The following NEXMIF variants were observed in gnomAD, a reference collection of about 807,000 sequenced individuals.
NEXMIF encodes XLMR protein related to neurite extension.
NEXMIF carries 8 observed loss-of-function variants against 62.1 expected under a neutral mutation model. That is an observed-to-expected ratio of 0.13 (90% CI 0.08 to 0.23). The LOEUF is 0.23. NEXMIF is among the 10% of genes least tolerant of loss of function. The pLI, the probability that NEXMIF is intolerant of heterozygous loss-of-function variation, is 1.00. For missense variants in NEXMIF, 976 were observed against 1,113.3 expected, an observed-to-expected ratio of 0.88 and a Z score of 1.75; for synonymous variants, 404 against 416.6, an observed-to-expected ratio of 0.97 and a Z score of 0.37.
intron 1 of NEXMIF, among the ~76,000 whole-genome samples, chrX:74,811,903 C>T (rs766376829): frequency 8.8e-6 from 1 of 113,084 alleles, no homozygotes; most frequent in African/African-American, 3.2e-5. Context: ...GCCTTCCAGG[C>T]ATGGAGAAAA....
At chrX:74,768,639 C>A (rs1238879260) in intron 1 of NEXMIF, among the ~76,000 whole-genome samples, 2 of 111,842 alleles carry the variant, frequency 1.8e-5, no homozygotes, top group African/African-American at 6.5e-5. Flanking sequence ...ATAGGGAAAA[C>A]AGTGAGCTCC....
chrX:74,803,499 C>T (rs1485753266), intron 1 of NEXMIF, among the ~76,000 whole-genome samples: 1 of 110,788 alleles, frequency 9.0e-6, no homozygotes, highest in Non-Finnish European at 1.9e-5. Context: ...ACCCAGGAGG[C>T]GGAGCTTGCA....
Position 74,739,317 on chromosome X carries a change from T to A in NEXMIF, c.*88A>T. 1.7e-6 allele frequency: 1 copy of A among 596,591 alleles called. No individual in the cohort carries two copies. The highest frequency in any genetic ancestry group is 4.3e-5 in the Admixed American group (1 of 23,190). 49.2% of individuals were successfully genotyped at this position (596,591 alleles called of 1,213,427 possible). A position where few individuals can be genotyped will look rare whatever the true frequency, so the allele number is the denominator to read the frequency against. ...ATTAAAGTTTGCTCCAAAGACGTAT[T>A]CCCACAATTTAAAATTCTTTTCTTT... On this transcript the variant is annotated 3_prime_UTR_variant, in exon 4 of 4. Transcript: ENST00000055682.
At chrX:74,811,089 G>A (rs1207806751) in intron 1 of NEXMIF, among the ~76,000 whole-genome samples, 5 of 111,802 alleles carry the variant, frequency 4.5e-5, no homozygotes, top group South Asian at 3.8e-4. Context: ...TTTGAAAGAA[G>A]GGGCAACATA....
intron 1 of NEXMIF, among the ~76,000 whole-genome samples, chrX:74,787,253 A>G: frequency 1.9e-5 from 2 of 106,149 alleles, no homozygotes; most frequent in Non-Finnish European, 3.9e-5. Flanking sequence ...ACTGTACTCC[A>G]GTCTGGGCGA....
chrX:74,757,894 T>A (rs1310536936), intron 1 of NEXMIF, among the ~76,000 whole-genome samples: 1 of 111,813 alleles, frequency 8.9e-6, no homozygotes, highest in Non-Finnish European at 1.9e-5. Context: ...TGATGGGAAG[T>A]TTCATGTTCT....
chrX:74,765,202 T>C (rs191720913), intron 1 of NEXMIF, among the ~76,000 whole-genome samples: 1 of 111,950 alleles, frequency 8.9e-6, no homozygotes, highest in East Asian at 2.8e-4. Flanking sequence ...TTTTTAAAAG[T>C]CTGTGTTGGT....
chrX:74,830,177 T>C (rs887604068), intron 1 of NEXMIF, among the ~76,000 whole-genome samples: 2 of 111,917 alleles, frequency 1.8e-5, no homozygotes, highest in Admixed American at 1.9e-4. Context: ...AGTTTCATAG[T>C]TTGAGGTCTA....
chrX:74,825,558 T>C (rs769745918), intron 1 of NEXMIF, among the ~76,000 whole-genome samples: 2 of 112,141 alleles, frequency 1.8e-5, no homozygotes, highest in African/African-American at 6.5e-5. Flanking sequence ...AAGTACATGA[T>C]CTTGTTCTTT....
At chrX:74,821,091 G>A (rs2080393840) in intron 1 of NEXMIF, among the ~76,000 whole-genome samples, 2 of 110,090 alleles carry the variant, frequency 1.8e-5, no homozygotes, top group Non-Finnish European at 3.8e-5. Flanking sequence ...TGTTGTCCAG[G>A]CTGCTGTCCA....
intron 1 of NEXMIF, among the ~76,000 whole-genome samples, chrX:74,924,038 A>G (rs1246447732): frequency 4.5e-5 from 5 of 111,839 alleles, no homozygotes; most frequent in Admixed American, 1.9e-4. Context: ...TCGGTCCCTC[A>G]CGAATCAGAC....
Position 74,741,176 on chromosome X carries a change from A to G in NEXMIF, c.3381T>C (p.Asp1127=). ...STLSRQVQME[D]GFTLNNHQFQ... is the part of the protein sequence containing the mutation. ...ACTGGTGATTATTTAAAGTAAATCC[A>G]TCCTCCATTTGGACCTGCCGTGAAA... The change falls in exon 3 of 4, where the codon GAT becomes GAC. Residue 1127 remains aspartate (D), a synonymous_variant. Coordinates refer to ENST00000055682, the MANE Select transcript of NEXMIF (RefSeq NM_001008537.3). 8.3e-7 allele frequency: 1 copy of G among 1,211,061 alleles called. No individual in the cohort carries two copies. Among genetic ancestry groups the G allele is most frequent in the South Asian group, 1.8e-5 (1 of 56,926 alleles).
At chrX:74,794,657 G>C (rs935305526) in intron 1 of NEXMIF, among the ~76,000 whole-genome samples, 4 of 112,318 alleles carry the variant, frequency 3.6e-5, no homozygotes, top group African/African-American at 1.3e-4. Context: ...CTCCAAGCCA[G>C]GTGCGGGATA....
rs751402707 is a variant in NEXMIF at position 74,858,145 on chromosome X, T to C, written c.-48+66738A>G. ...CACTCGATTTGCCACCTGTTGACTG[T>C]AGAGCTCTGCGACCTTAAGAAAACA... On this transcript the variant is annotated intron_variant, in intron 1 of 3. Transcript: ENST00000055682. Among the ~76,000 whole-genome samples the C allele has an allele frequency of 3.5e-3, 395 of 111,903 alleles. 2 individuals are homozygous for C. Among genetic ancestry groups the C allele is most frequent in the African/African-American group, 0.012 (377 of 30,814 alleles).
At chrX:74,847,871 T>A (rs1448598676) in intron 1 of NEXMIF, among the ~76,000 whole-genome samples, 1 of 111,458 alleles carries the variant, frequency 9.0e-6, no homozygotes, top group Non-Finnish European at 1.9e-5. Flanking sequence ...TTGCTGAGCA[T>A]AAATATTCAT....
chrX:74,800,906 C>T (rs1012794906), intron 1 of NEXMIF, among the ~76,000 whole-genome samples: 5 of 110,638 alleles, frequency 4.5e-5, no homozygotes, highest in Non-Finnish European at 7.6e-5. Context: ...TGATATGTAT[C>T]CACTATTACA....
chrX:74,885,049 G>A (rs2080685101), intron 1 of NEXMIF, among the ~76,000 whole-genome samples: 1 of 110,081 alleles, frequency 9.1e-6, no homozygotes, highest in African/African-American at 3.3e-5. Context: ...AATGACTACT[G>A]GGTACATAAT....
At position 74,844,259 on chromosome X, in the gene NEXMIF, G is replaced by A. The variant is rs746277373; in HGVS notation, c.-48+80624C>T. Among the ~76,000 whole-genome samples, 36 of 110,927 alleles carry A rather than the reference G, an allele frequency of 3.2e-4. 1 individual carries two copies. The highest frequency in any genetic ancestry group is 1.4e-3 in the Admixed American group (15 of 10,433). On this transcript the variant is annotated intron_variant, in intron 1 of 3. Transcript: ENST00000055682. ...GAAAATCTGATGATTGTGTGTCTTG[G>A]GGATGATCTTCTTGTGTAGAATCTT...
chrX:74,760,658 T>C (rs2080173115), intron 1 of NEXMIF, among the ~76,000 whole-genome samples: 1 of 111,188 alleles, frequency 9.0e-6, no homozygotes, highest in Non-Finnish European at 1.9e-5. Context: ...GGGGTTTTTG[T>C]CTTTAGTTGT....
Sources: gnomAD v4.1 joint callset for allele counts (sites outside exome capture counted in the v4.1 genomes callset) on GRCh38, gnomAD v4.1.1 for gene constraint, MANE v1.5 for transcripts, NCBI Gene and HGNC (gene_info 2026-07-23, HGNC 2026-07-21) for gene names.